Variants in PSEN1 observed in about 807,000 individuals in gnomAD.
PSEN1 encodes presenilin 1, also known as presenilin-1.
In PSEN1, 15 loss-of-function variants were observed where a neutral mutation model predicts 53.5. The observed-to-expected ratio is 0.28, with a 90% CI of 0.19 to 0.43. The LOEUF is 0.43. Among genes scored for constraint, PSEN1 ranks in the 20% least tolerant of loss-of-function variants. The pLI is 1.00. For synonymous variants in PSEN1, 208 were observed against 209.8 expected, an observed-to-expected ratio of 0.99 and a Z score of 0.08; for missense variants, 387 against 571.2, an observed-to-expected ratio of 0.68 and a Z score of 3.29.
chr14:73,156,310 C>G (rs1272487645), intron 3 of PSEN1, among the ~76,000 whole-genome samples: 1 of 151,822 alleles, frequency 6.6e-6, no homozygotes, highest in Non-Finnish European at 1.5e-5. Flanking sequence ...GAGCAGTGAT[C>G]ATGCCACTGC....
chr14:73,168,872 A>G (rs1002570953), intron 3 of PSEN1: 12 of 152,290 alleles, frequency 7.9e-5, no homozygotes, highest in African/African-American at 2.7e-4. Flanking sequence ...ATTGTAACAC[A>G]CTTGGATGCT....
chr14:73,218,397 G>T (rs990827632), intron 11 of PSEN1, among the ~76,000 whole-genome samples: 1 of 152,016 alleles, frequency 6.6e-6, no homozygotes, highest in Admixed American at 6.6e-5. Context: ...TGAAAACTAT[G>T]ATTTAAGTAA....
At chr14:73,184,835 C>T (rs1348072412) in intron 5 of PSEN1, among the ~76,000 whole-genome samples, 1 of 151,692 alleles carries the variant, frequency 6.6e-6, no homozygotes, top group Admixed American at 6.6e-5. Context: ...CGGAGGGGCT[C>T]CTCACTTCCC....
rs1900056072 is a variant in PSEN1, at chr14:73,219,300, G to A, written c.*11G>A. ...CAATTTTATATCTAGCATATTTGCG[G>A]TTAGAATCCCATGGATGTTTCTTCT... On this transcript the variant is annotated 3_prime_UTR_variant, in exon 12 of 12. Coordinates refer to ENST00000324501, the MANE Select transcript of PSEN1 (RefSeq NM_000021.4). 1 of 1,609,834 alleles carries A rather than the reference G, an allele frequency of 6.2e-7. No individual in the cohort carries two copies. The highest frequency in any genetic ancestry group is 2.2e-5 in the East Asian group (1 of 44,856).
At chr14:73,202,462 A>G (rs2735781) in intron 8 of PSEN1, among the ~76,000 whole-genome samples, 1 of 11,532 alleles carries the variant, frequency 8.7e-5, no homozygotes, top group African/African-American at 4.3e-4. Flanking sequence ...ATATATATAT[A>G]TTTTTTTTTT....
chr14:73,144,890 A>G (rs2140501097), intron 1 of PSEN1, among the ~76,000 whole-genome samples: 1 of 152,030 alleles, frequency 6.6e-6, no homozygotes, highest in South Asian at 2.1e-4. Context: ...TATACCATTT[A>G]TTTATTTTAT....
chr14:73,193,855 C>T (rs958697695), intron 7 of PSEN1, among the ~76,000 whole-genome samples: 1 of 151,982 alleles, frequency 6.6e-6, no homozygotes, highest in African/African-American at 2.4e-5. Flanking sequence ...GAACGTCTTG[C>T]TATATTGCCT....
chr14:73,218,701 A>AGCCCCCGCACAGCATAGAGAAT (rs1555358217), intron 11 of PSEN1, among the ~76,000 whole-genome samples: 25 of 147,108 alleles, frequency 1.7e-4, no homozygotes, highest in East Asian at 1.0e-3. Flanking sequence ...AGCATAGAGA[A>AGCCCCCGCACAGCATAGAGAAT]GCCCCCGCAC....
chr14:73,145,813 G>A (rs1340582262), intron 1 of PSEN1, among the ~76,000 whole-genome samples: 1 of 152,090 alleles, frequency 6.6e-6, no homozygotes, highest in African/African-American at 2.4e-5. Flanking sequence ...CATATTAAAA[G>A]ACAGGAACAG....
chr14:73,160,112 T>C, intron 3 of PSEN1: 1 of 199,430 alleles, frequency 5.0e-6, no homozygotes, highest in Non-Finnish European at 1.1e-5. Flanking sequence ...GTGTGAGCCA[T>C]CATGCCCAGC....
intron 8 of PSEN1, among the ~76,000 whole-genome samples, chr14:73,200,410 C>T (rs1278634204): frequency 6.6e-6 from 1 of 152,106 alleles, no homozygotes. Context: ...GCTGGAATTA[C>T]AGGCGCATGC....
chr14:73,168,965 T>C (rs1693395472), intron 3 of PSEN1: 1 of 152,190 alleles, frequency 6.6e-6, no homozygotes, highest in African/African-American at 2.4e-5. Context: ...ATTCCCACAC[T>C]CACTCACTCG....
rs138425111 is a variant in PSEN1 at position 73,189,561 on chromosome 14, G to A, written c.548+2641G>A. On this transcript the variant is annotated intron_variant, in intron 6 of 11. Coordinates refer to ENST00000324501, the MANE Select transcript of PSEN1 (RefSeq NM_000021.4). ...TGGGAGATGGAGGTTGCTGTGAGCC[G>A]AGATCGCACCATTGCACTCCCACCT... Among the ~76,000 whole-genome samples the A allele has an allele frequency of 3.2e-3, 493 of 152,218 alleles. 2 individuals are homozygous for A. The highest frequency in any genetic ancestry group is 8.7e-3 in the African/African-American group (362 of 41,524).
intron 10 of PSEN1, among the ~76,000 whole-genome samples, chr14:73,216,232 T>G (rs1318499434): frequency 1.3e-5 from 2 of 152,114 alleles, no homozygotes; most frequent in Non-Finnish European, 2.9e-5. Context: ...AAAGGCAAAT[T>G]TATTGAGATA....
intron 9 of PSEN1, among the ~76,000 whole-genome samples, chr14:73,210,881 TTTAA>T (rs548852417): frequency 6.6e-6 from 1 of 152,146 alleles, no homozygotes; most frequent in Non-Finnish European, 1.5e-5. Context: ...ACTTATATAT[TTTAA>T]TTATTTTTAA....
At chr14:73,182,419 C>T in intron 5 of PSEN1, among the ~76,000 whole-genome samples, 1 of 152,006 alleles carries the variant, frequency 6.6e-6, no homozygotes, top group East Asian at 1.9e-4. Flanking sequence ...ATGGCTTGAG[C>T]CCAGTGGTTC....
chr14:73,151,242 A>C (rs1023217819), intron 3 of PSEN1, among the ~76,000 whole-genome samples: 7 of 152,208 alleles, frequency 4.6e-5, no homozygotes, highest in African/African-American at 1.7e-4. Context: ...ATATATAAAA[A>C]TAATTCTGTT....
At chr14:73,181,906 T>C (rs959262576) in intron 5 of PSEN1, among the ~76,000 whole-genome samples, 4 of 152,166 alleles carry the variant, frequency 2.6e-5, no homozygotes, top group Non-Finnish European at 4.4e-5. Flanking sequence ...CCATGGTAGC[T>C]GGGACTACAG....
chr14:73,163,582 T>C (rs1897621637), intron 3 of PSEN1, among the ~76,000 whole-genome samples: 1 of 152,218 alleles, frequency 6.6e-6, no homozygotes, highest in African/African-American at 2.4e-5. Context: ...AAACAGGAGC[T>C]ACATCAAATA....
Sources: allele counts gnomAD v4.1 joint callset (sites outside exome capture counted in the v4.1 genomes callset), GRCh38; gene constraint gnomAD v4.1.1; transcripts MANE v1.5; gene names NCBI Gene and HGNC (gene_info 2026-07-23, HGNC 2026-07-21).